Variants in NRG2 observed in about 807,000 individuals in gnomAD.
NRG2 encodes pro-neuregulin-2, membrane-bound isoform.
In NRG2, 27 loss-of-function variants were observed where a neutral mutation model predicts 73.9. The observed-to-expected ratio is 0.37, with a 90% CI of 0.27 to 0.50. The LOEUF is 0.50. Among genes scored for constraint, NRG2 ranks in the 20% least tolerant of loss-of-function variants. The pLI, the probability that NRG2 is intolerant of heterozygous loss-of-function variation, is 0.96. For synonymous variants in NRG2, 532 were observed against 541.0 expected (o/e 0.98, Z 0.23); for missense variants, 1,126 against 1,210.1 (o/e 0.93, Z 1.03).
intron 1 of NRG2, among the ~76,000 whole-genome samples, chr5:139,980,274 A>G (rs1241801512): frequency 1.3e-5 from 2 of 151,904 alleles, no homozygotes; most frequent in Non-Finnish European, 2.9e-5. Context: ...GCCCTGCTTC[A>G]GGTGAAGCCA....
chr5:139,900,294 T>C (rs1764792543), intron 1 of NRG2, among the ~76,000 whole-genome samples: 1 of 152,260 alleles, frequency 6.6e-6, no homozygotes, highest in Non-Finnish European at 1.5e-5. Context: ...CAGGGCCTGT[T>C]GTTTATTCAC....
At chr5:139,911,642 G>A (rs1750829788) in intron 1 of NRG2, among the ~76,000 whole-genome samples, 1 of 152,192 alleles carries the variant, frequency 6.6e-6, no homozygotes. Context: ...TCCAGGGCAT[G>A]CCTTGGGGTA....
At chr5:139,965,547 G>T (rs1034449134) in intron 1 of NRG2, among the ~76,000 whole-genome samples, 5 of 152,222 alleles carry the variant, frequency 3.3e-5, no homozygotes, top group African/African-American at 1.2e-4. Context: ...CAGTGCTGCT[G>T]ATGCTCCAAT....
intron 1 of NRG2, among the ~76,000 whole-genome samples, chr5:139,955,258 A>T (rs892777658): frequency 6.6e-6 from 1 of 152,188 alleles, no homozygotes; most frequent in Non-Finnish European, 1.5e-5. Context: ...AGGGCTTCTC[A>T]GAGGAGGTGA....
chr5:139,923,854 T>A (rs1751857887), intron 1 of NRG2, among the ~76,000 whole-genome samples: 1 of 152,194 alleles, frequency 6.6e-6, no homozygotes, highest in African/African-American at 2.4e-5. Flanking sequence ...GAGCAGCAAC[T>A]CAGCCAGCTA....
chr5:139,919,483 C>G (rs1751504345), intron 1 of NRG2, among the ~76,000 whole-genome samples: 1 of 152,012 alleles, frequency 6.6e-6, no homozygotes, highest in African/African-American at 2.4e-5. Context: ...TCGTTTTTAT[C>G]AGGGTAGAGG....
At position 139,904,365 on chromosome 5, in the gene NRG2, G is replaced by T; in HGVS notation, c.701-16854C>A. 1 of 1,586,810 alleles carries T rather than the reference G, an allele frequency of 6.3e-7. No individual in the cohort carries two copies. Among genetic ancestry groups the T allele is most frequent in the Non-Finnish European group, 8.5e-7 (1 of 1,174,910 alleles). On this transcript the variant is annotated intron_variant, in intron 1 of 9. Coordinates refer to ENST00000361474, the MANE Select transcript of NRG2 (RefSeq NM_004883.3). The surrounding 1 kb of genome is among the most constrained non-coding windows in gnomAD (Gnocchi z 6.0). ...TCCTCCCCTCTGGGTGCTTCTTGCC[G>T]CGGCCGCGGCCCCTCCTCCTGGACT...
rs1430476723 is a variant in NRG2 at position 139,848,452 on chromosome 5, C to T, written c.2018G>A (p.Ser673Asn). 4.5e-6 allele frequency: 6 copies of T among 1,332,834 alleles called. No individual in the cohort carries two copies. The highest frequency in any genetic ancestry group is 1.6e-5 in the African/African-American group (1 of 63,334). The allele number at this position is 1,332,834 out of a possible 1,614,324, so 82.6% of individuals were successfully genotyped here. Reference protein sequence around the residue: ...GPGPGADMQRSYDSYYYPAAG... With the variant: ...GPGPGADMQRNYDSYYYPAAG... ...CGCGGGGTAATAGTAGCTGTCATAG[C>T]TGCGCTGCATGTCTGCGCCGGGCCC... Residue 673 changes from serine to asparagine, a missense_variant, in exon 10 of 10, where the codon AGC becomes AAC. By Grantham distance (46) the Ser-to-Asn change is conservative. Transcript: ENST00000361474.
chr5:139,923,014 A>G (rs558167675), intron 1 of NRG2, among the ~76,000 whole-genome samples: 1 of 152,334 alleles, frequency 6.6e-6, no homozygotes, highest in Admixed American at 6.5e-5. Flanking sequence ...TCTGTTTGAT[A>G]CTATAATGAA....
chr5:139,918,717 G>T (rs776813533), intron 1 of NRG2, among the ~76,000 whole-genome samples: 1 of 152,204 alleles, frequency 6.6e-6, no homozygotes, highest in African/African-American at 2.4e-5. Flanking sequence ...GCAGACATCC[G>T]GAAATGTAGG....
intron 1 of NRG2, among the ~76,000 whole-genome samples, chr5:139,936,647 C>T (rs1752872772): frequency 6.6e-6 from 1 of 152,122 alleles, no homozygotes; most frequent in East Asian, 1.9e-4. Context: ...CACTTCTCAA[C>T]TCATTCTATG....
rs1343812928 is a variant in NRG2, at chr5:140,008,063, G to C, written c.700+34307C>G. Among the ~76,000 whole-genome samples, 1 of 152,230 alleles carries C rather than the reference G, an allele frequency of 6.6e-6. No individual in the cohort carries two copies. The highest frequency in any genetic ancestry group is 2.4e-5 in the African/African-American group (1 of 41,462). The stretch of plus-strand genomic sequence containing the variant: ...TATAGTAGGAAGCTGTCACTCTCTA[G>C]TGTCATTTCACATGAGAACAGATGT... On this transcript the variant is annotated intron_variant, in intron 1 of 9. Coordinates refer to ENST00000361474, the MANE Select transcript of NRG2 (RefSeq NM_004883.3). This position sits in a 1 kb window ranked among gnomAD's most constrained non-coding sequence, Gnocchi z 4.2.
chr5:139,873,850 C>T (rs1463600234), intron 3 of NRG2, among the ~76,000 whole-genome samples: 1 of 152,250 alleles, frequency 6.6e-6, no homozygotes, highest in Admixed American at 6.5e-5. Flanking sequence ...TGTCTGTGCT[C>T]ATCGAGGCTT....
At position 139,887,266 on chromosome 5, in the gene NRG2, C is replaced by T. The variant is rs1345642961; in HGVS notation, c.872+74G>A. 6.4e-7 allele frequency: 1 copy of T among 1,553,184 alleles called. No homozygotes were observed. Among genetic ancestry groups the T allele is most frequent in the African/African-American group, 1.3e-5 (1 of 74,086 alleles). On this transcript the variant is annotated intron_variant, in intron 2 of 9. Transcript: ENST00000361474. The surrounding 1 kb of genome is among the most constrained non-coding windows in gnomAD (Gnocchi z 4.5). ...CTGGGGGCACAGCCCTGGCCTCTGC[C>T]CAGTTCAGGCCACTCCTTCTCGAGA...
chr5:139,962,088 C>T (rs1343683957), intron 1 of NRG2, among the ~76,000 whole-genome samples: 4 of 152,206 alleles, frequency 2.6e-5, no homozygotes, highest in Non-Finnish European at 5.9e-5. Flanking sequence ...TCTACTCTAT[C>T]TGTCTCCCTG....
chr5:140,035,572 C>A (rs1488087888), intron 1 of NRG2, among the ~76,000 whole-genome samples: 2 of 152,052 alleles, frequency 1.3e-5, no homozygotes, highest in Admixed American at 6.6e-5. Flanking sequence ...TTTGGGATAC[C>A]AAATTGCATC....
chr5:139,889,269 T>C (rs1764062837), intron 1 of NRG2, among the ~76,000 whole-genome samples: 1 of 152,186 alleles, frequency 6.6e-6, no homozygotes, highest in Admixed American at 6.5e-5. Context: ...ATTCTATGAC[T>C]TATATGTGTA....
chr5:139,885,456 G>T (rs1763801522), intron 2 of NRG2, among the ~76,000 whole-genome samples: 1 of 152,202 alleles, frequency 6.6e-6, no homozygotes, highest in African/African-American at 2.4e-5. Flanking sequence ...CTGAAGGGCA[G>T]ATTCCAGCAG....
rs148550602 is a variant in NRG2 at position 139,876,720 on chromosome 5, T to A, written c.991+4136A>T. On this transcript the variant is annotated intron_variant, in intron 3 of 9. Coordinates refer to ENST00000361474, the MANE Select transcript of NRG2 (RefSeq NM_004883.3). Reference sequence around the variant, plus strand: ...CTTCAAGACTCAGGTCGAGTGCTCCTTTATCCATCGAGGCCCCTTTCCCTT... The same window carrying A: ...CTTCAAGACTCAGGTCGAGTGCTCCATTATCCATCGAGGCCCCTTTCCCTT... Among the ~76,000 whole-genome samples, 386 of 152,208 alleles carry A rather than the reference T, an allele frequency of 2.5e-3. 3 individuals are homozygous for A. Among genetic ancestry groups the A allele is most frequent in the African/African-American group, 8.9e-3 (371 of 41,524 alleles).
Sources: gnomAD v4.1 joint callset for allele counts (sites outside exome capture counted in the v4.1 genomes callset) on GRCh38, gnomAD v4.1.1 for gene constraint, Gnocchi (gnomAD v3.1) non-coding constraint, MANE v1.5 for transcripts, NCBI Gene and HGNC (gene_info 2026-07-23, HGNC 2026-07-21) for gene names.